Variants in KIAA0319L observed in about 807,000 individuals in gnomAD.
The protein encoded by KIAA0319L is dyslexia-associated protein KIAA0319-like protein.
In KIAA0319L, 55 loss-of-function variants were observed where a neutral mutation model predicts 120.1. That is an observed-to-expected ratio of 0.46 (90% CI 0.37 to 0.57). KIAA0319L has a LOEUF of 0.57. KIAA0319L is among the 20% of genes least tolerant of loss of function. The pLI is 0.00. For synonymous variants in KIAA0319L, 398 were observed against 471.9 expected, an observed-to-expected ratio of 0.84 and a Z score of 2.03; for missense variants, 1,049 against 1,255.3, an observed-to-expected ratio of 0.84 and a Z score of 2.48.
At chr1:35,537,993 G>C (rs1646646950) in intron 2 of KIAA0319L, among the ~76,000 whole-genome samples, 1 of 152,164 alleles carries the variant, frequency 6.6e-6, no homozygotes, top group Non-Finnish European at 1.5e-5. Context: ...GAATCTGGGA[G>C]GAGGAGGTTC....
intron 2 of KIAA0319L, among the ~76,000 whole-genome samples, chr1:35,508,558 C>T (rs562801936): frequency 5.6e-4 from 85 of 151,738 alleles, no homozygotes; most frequent in African/African-American, 1.9e-3. Context: ...TAACACCAGA[C>T]GAGGCAATTT....
At chr1:35,489,410 T>C (rs1243344256) in intron 3 of KIAA0319L, among the ~76,000 whole-genome samples, 2 of 152,102 alleles carry the variant, frequency 1.3e-5, no homozygotes, top group African/African-American at 4.8e-5. Context: ...AACCCTATGA[T>C]TGCCCCAGCT....
At chr1:35,547,232 CAT>C (rs1470620770) in intron 2 of KIAA0319L, among the ~76,000 whole-genome samples, 1 of 146,316 alleles carries the variant, frequency 6.8e-6, no homozygotes, top group Non-Finnish European at 1.5e-5. Flanking sequence ...AAATTTATTT[CAT>C]ATATATTTAT....
intron 16 of KIAA0319L, 115 bp downstream of exon 16, chr1:35,448,058 G>T: frequency 1.0e-6 from 1 of 997,772 alleles, no homozygotes; most frequent in Non-Finnish European, 1.5e-6. Flanking sequence ...CAACATGAGT[G>T]TTTCTGGTCA....
chr1:35,538,097 C>T (rs760865135), intron 2 of KIAA0319L, among the ~76,000 whole-genome samples: 10 of 152,142 alleles, frequency 6.6e-5, no homozygotes, highest in Non-Finnish European at 1.2e-4. Flanking sequence ...TAGCACATCT[C>T]GGAATTGATC....
intron 2 of KIAA0319L, among the ~76,000 whole-genome samples, chr1:35,512,548 G>T (rs954358464): frequency 5.9e-5 from 9 of 151,914 alleles, no homozygotes; most frequent in African/African-American, 1.9e-4. Flanking sequence ...GAAAAAAAAG[G>T]AGTAGTCAAA....
At position 35,479,139 on chromosome 1, in the gene KIAA0319L, T is replaced by C. The variant is rs1212606019; in HGVS notation, c.740A>G (p.Asn247Ser). The change falls in exon 4 of 21, where the codon AAT becomes AGT. Residue 247 changes from asparagine to serine, a missense_variant. Physicochemically the swap from Asn to Ser is conservative, Grantham distance 46. Coordinates refer to ENST00000325722, the MANE Select transcript of KIAA0319L (RefSeq NM_024874.5). ...LTAELSGGPK[N>S]VSVQPEISEG... ...TGATATTTCAGGTTGCACTGATACA[T>C]TCTTTGGCCCACCAGACAGCTCTGC... is the stretch of plus-strand genomic sequence containing the variant. The C allele has an allele frequency of 1.2e-5, 19 of 1,614,066 alleles. No homozygotes were observed. Among genetic ancestry groups the C allele is most frequent in the Admixed American group, 1.7e-5 (1 of 60,008 alleles).
chr1:35,453,834 C>T lies in KIAA0319L; in HGVS notation c.1781-145G>A. 6 of 710,586 alleles carry T rather than the reference C, an allele frequency of 8.4e-6. 1 individual carries two copies. The South Asian group carries it at 1.3e-4, about 15-fold the overall frequency. 44.0% of individuals were successfully genotyped at this position (710,586 alleles called of 1,614,324 possible). A position where few individuals can be genotyped will look rare whatever the true frequency, so the allele number is the denominator to read the frequency against. On this transcript the variant is annotated intron_variant, in intron 11 of 20. Transcript: ENST00000325722. This position sits in a 1 kb window ranked among gnomAD's most constrained non-coding sequence, Gnocchi z 4.1. Reference sequence around the variant, plus strand: ...ATACTGTGGGAGATGTGGTTACCGTCAGGGAGCACACAATAAAGAATATAA... The same window carrying T: ...ATACTGTGGGAGATGTGGTTACCGTTAGGGAGCACACAATAAAGAATATAA...
chr1:35,541,333 C>CT (rs768545066), intron 2 of KIAA0319L, among the ~76,000 whole-genome samples: 1,226 of 117,180 alleles, frequency 0.01, 17 homozygotes, highest in South Asian at 0.051. Flanking sequence ...CAAGCTACTT[C>CT]TTTTTTTTTT....
chr1:35,529,790 T>C (rs903428683), intron 2 of KIAA0319L, among the ~76,000 whole-genome samples: 11 of 152,268 alleles, frequency 7.2e-5, no homozygotes, highest in South Asian at 6.2e-4. Context: ...AAGGAGATCT[T>C]TGTGGGTTGT....
At chr1:35,458,876 G>A (rs370006601) in intron 9 of KIAA0319L, among the ~76,000 whole-genome samples, 2 of 151,858 alleles carry the variant, frequency 1.3e-5, no homozygotes, top group East Asian at 2.0e-4. Flanking sequence ...CATTTTAAGC[G>A]ACGTAGAAGG....
rs565846411 is a variant in KIAA0319L, at chr1:35,524,370, A to G, written c.143-17235T>C. Among the ~76,000 whole-genome samples, 9 of 152,262 alleles carry G rather than the reference A, an allele frequency of 5.9e-5. No individual in the cohort carries two copies. The South Asian group carries it at 1.7e-3, about 28-fold the overall frequency. On this transcript the variant is annotated intron_variant, in intron 2 of 20. Coordinates refer to ENST00000325722, the MANE Select transcript of KIAA0319L (RefSeq NM_024874.5). Reference sequence around the variant, plus strand: ...AGAATGTCACATAAGCTATACAATTATCGGGGTATAAAAAAGAAATGTTTC... The same window carrying G: ...AGAATGTCACATAAGCTATACAATTGTCGGGGTATAAAAAAGAAATGTTTC...
At chr1:35,452,064 G>T in intron 12 of KIAA0319L, among the ~76,000 whole-genome samples, 1 of 152,170 alleles carries the variant, frequency 6.6e-6, no homozygotes, top group Non-Finnish European at 1.5e-5. Flanking sequence ...TTTGTAAAAG[G>T]AAGAAAGTTC....
At chr1:35,509,170 G>C (rs1558529523) in intron 2 of KIAA0319L, among the ~76,000 whole-genome samples, 1 of 152,074 alleles carries the variant, frequency 6.6e-6, no homozygotes, top group Non-Finnish European at 1.5e-5. Context: ...AGGAGACGGA[G>C]TTCAGGGTGA....
In KIAA0319L at chr1:35,462,673, AG is replaced by A; in HGVS notation, c.1241del (p.Pro414LeufsTer38). 2 of 1,614,162 alleles carry A rather than the reference AG, an allele frequency of 1.2e-6. No individual in the cohort carries two copies. The highest frequency in any genetic ancestry group is 1.7e-6 in the Non-Finnish European group (2 of 1,179,988). On this transcript the variant is annotated frameshift_variant, in exon 8 of 21. Transcript: ENST00000325722. LOFTEE classifies it high-confidence loss of function. Reference protein sequence around the residue: ...KNRPPIAIVSPQFQEISLPTT... With the variant: ...KNRPPIAIVSXQFQEISLPTT... ...TTGGCAAAGAGATCTCCTGGAACTGAGGTGACACAATAGCAATGGGGGGCCG... is the reference window on the plus strand; with the variant it reads ...TTGGCAAAGAGATCTCCTGGAACTGAGTGACACAATAGCAATGGGGGGCCG...
chr1:35,530,656 T>C (rs1373512381), intron 2 of KIAA0319L, among the ~76,000 whole-genome samples: 1 of 152,238 alleles, frequency 6.6e-6, no homozygotes, highest in Non-Finnish European at 1.5e-5. Context: ...CTTTTCATGT[T>C]TCTTGAGTCC....
At chr1:35,555,267 T>G (rs776838114) in intron 1 of KIAA0319L, among the ~76,000 whole-genome samples, 1 of 152,186 alleles carries the variant, frequency 6.6e-6, no homozygotes, top group Non-Finnish European at 1.5e-5. Context: ...ATTATGAGGG[T>G]TGACTGAGTT....
intron 12 of KIAA0319L, among the ~76,000 whole-genome samples, chr1:35,452,697 T>C (rs1642151860): frequency 6.6e-6 from 1 of 152,192 alleles, no homozygotes; most frequent in South Asian, 2.1e-4. Context: ...TGGGTAAGAT[T>C]ATGTTCTACA....
rs552683697 is a variant in KIAA0319L at position 35,481,313 on chromosome 1, T to C, written c.667-2101A>G. On this transcript the variant is annotated intron_variant, in intron 3 of 20. Transcript: ENST00000325722. The stretch of plus-strand genomic sequence containing the variant: ...ATCTTAGGTAGTTACTTAGGAGAAT[T>C]GCTGGTTATACATAAGTATATGTTT... Among the ~76,000 whole-genome samples the C allele has an allele frequency of 9.2e-5, 14 of 152,364 alleles. No individual in the cohort carries two copies. In the East Asian group the frequency reaches 2.7e-3, roughly 29 times the overall value.
Sources: gnomAD v4.1 joint callset for allele counts (sites outside exome capture counted in the v4.1 genomes callset) on GRCh38, gnomAD v4.1.1 for gene constraint, Gnocchi (gnomAD v3.1) non-coding constraint, MANE v1.5 for transcripts, NCBI Gene and HGNC (gene_info 2026-07-23, HGNC 2026-07-21) for gene names.